The following ME3 variants were observed in gnomAD, a reference collection of about 807,000 sequenced individuals.
The protein encoded by ME3 is NADP-dependent malic enzyme, mitochondrial.
A neutral mutation model predicts 68.9 loss-of-function variants in ME3; 48 were observed. The ratio of observed to expected loss-of-function variants is 0.70; its 90% CI spans 0.55 to 0.89. ME3 has a LOEUF of 0.89. ME3 is among the 40% of genes least tolerant of loss of function. The pLI is 0.00. For missense variants in ME3, 675 were observed against 797.4 expected, an observed-to-expected ratio of 0.85 and a Z score of 1.85; for synonymous variants, 320 against 318.8, an observed-to-expected ratio of 1.00 and a Z score of -0.04.
At chr11:86,463,807 T>C (rs2138723383) in intron 8 of ME3, among the ~76,000 whole-genome samples, 1 of 152,360 alleles carries the variant, frequency 6.6e-6, no homozygotes. Flanking sequence ...GTTTGTAATA[T>C]AAGATCTGGG....
At chr11:86,597,780 T>A (rs895040591) in intron 2 of ME3, among the ~76,000 whole-genome samples, 1 of 151,804 alleles carries the variant, frequency 6.6e-6, no homozygotes, top group Non-Finnish European at 1.5e-5. Flanking sequence ...CCAAAGTGGT[T>A]GGGGTACAGC....
intron 6 of ME3, among the ~76,000 whole-genome samples, chr11:86,496,405 CAAAAG>C (rs61497313): frequency 0.92 from 136,958 of 149,556 alleles, 62,857 homozygotes; most frequent in Non-Finnish European, 0.94. Context: ...GAGTCTGTCT[CAAAAG>C]AAAAGAAAAG....
chr11:86,636,123 G>T (rs1182972509), intron 2 of ME3, among the ~76,000 whole-genome samples: 1 of 152,176 alleles, frequency 6.6e-6, no homozygotes, highest in African/African-American at 2.4e-5. Flanking sequence ...CTGAGGGGTT[G>T]TAGGAATTGG....
intron 6 of ME3, among the ~76,000 whole-genome samples, chr11:86,491,456 C>A (rs1196126993): frequency 1.3e-5 from 2 of 152,144 alleles, no homozygotes; most frequent in Non-Finnish European, 2.9e-5. Context: ...ACGGGGAGAG[C>A]TGGAATGAGT....
At chr11:86,583,376 G>A (rs974088899) in intron 2 of ME3, among the ~76,000 whole-genome samples, 1 of 152,136 alleles carries the variant, frequency 6.6e-6, no homozygotes, top group Non-Finnish European at 1.5e-5. Context: ...CCGAATACAA[G>A]ATGTAGTGAT....
chr11:86,490,571 G>A (rs1161643039), intron 6 of ME3, among the ~76,000 whole-genome samples: 1 of 152,192 alleles, frequency 6.6e-6, no homozygotes, highest in Non-Finnish European at 1.5e-5. Flanking sequence ...AGACTTTGCA[G>A]TCACCTGGAC....
chr11:86,471,673 A>G (rs1249959752), intron 7 of ME3, among the ~76,000 whole-genome samples: 1 of 152,162 alleles, frequency 6.6e-6, no homozygotes, highest in African/African-American at 2.4e-5. Flanking sequence ...CAATTCAACA[A>G]ACATTTTATG....
At chr11:86,511,778 T>C (rs1400939511) in intron 4 of ME3, among the ~76,000 whole-genome samples, 1 of 152,110 alleles carries the variant, frequency 6.6e-6, no homozygotes, top group African/African-American at 2.4e-5. Context: ...ATTTTTGACT[T>C]CCCTAGTTGC....
chr11:86,611,013 C>T (rs1942532923), intron 2 of ME3, among the ~76,000 whole-genome samples: 1 of 152,128 alleles, frequency 6.6e-6, no homozygotes, highest in Non-Finnish European at 1.5e-5. Flanking sequence ...TCCTAGACAG[C>T]GTTCTGAATT....
intron 2 of ME3, among the ~76,000 whole-genome samples, chr11:86,586,990 C>T (rs2139644657): frequency 6.6e-6 from 1 of 152,124 alleles, no homozygotes; most frequent in African/African-American, 2.4e-5. Context: ...CAAGGATGTG[C>T]AGATCTGAAA....
chr11:86,529,871 G>T (rs554540524), intron 4 of ME3, among the ~76,000 whole-genome samples: 19 of 152,088 alleles, frequency 1.2e-4, no homozygotes, highest in Non-Finnish European at 2.1e-4. Flanking sequence ...AATAAGGGTT[G>T]TCTATGACAA....
At position 86,487,335 on chromosome 11, in the gene ME3, A is replaced by G. The variant is rs1951753234; in HGVS notation, c.809+2T>C. 6.2e-7 allele frequency: 1 copy of G among 1,613,172 alleles called. No homozygotes were observed. Among genetic ancestry groups the G allele is most frequent in the Non-Finnish European group, 8.5e-7 (1 of 1,179,110 alleles). ...TCAAAAGGGACAGACTGGTCCACTTACTTGTCTGTCACAGCCTGCATGAAC... is the reference window on the plus strand; with the variant it reads ...TCAAAAGGGACAGACTGGTCCACTTGCTTGTCTGTCACAGCCTGCATGAAC... On this transcript the variant is annotated splice_donor_variant, in intron 7 of 14. Coordinates refer to ENST00000543262, the Ensembl canonical transcript of ME3. LOFTEE classifies it high-confidence loss of function.
intron 4 of ME3, among the ~76,000 whole-genome samples, chr11:86,545,037 G>A (rs929685693): frequency 4.6e-5 from 7 of 152,224 alleles, no homozygotes; most frequent in Non-Finnish European, 5.9e-5. Flanking sequence ...ATCAATAAAC[G>A]TAATCCATCA....
chr11:86,477,643 A>T (rs1183552364), intron 7 of ME3, among the ~76,000 whole-genome samples: 1 of 152,168 alleles, frequency 6.6e-6, no homozygotes, highest in Non-Finnish European at 1.5e-5. Context: ...GCTAAGAGAA[A>T]ATGAAAAGGA....
chr11:86,603,674 A>T (rs2135137969), intron 2 of ME3, among the ~76,000 whole-genome samples: 1 of 152,216 alleles, frequency 6.6e-6, no homozygotes, highest in East Asian at 1.9e-4. Context: ...TATTCACAAT[A>T]GCAAAGACTT....
intron 2 of ME3, among the ~76,000 whole-genome samples, chr11:86,616,818 A>G (rs1197433745): frequency 6.6e-6 from 1 of 152,168 alleles, no homozygotes; most frequent in Non-Finnish European, 1.5e-5. Flanking sequence ...CTTGGATTGG[A>G]TCCTAGAACA....
chr11:86,645,556 G>C (rs1351425236), intron 2 of ME3, among the ~76,000 whole-genome samples: 1 of 152,206 alleles, frequency 6.6e-6, no homozygotes, highest in Non-Finnish European at 1.5e-5. Flanking sequence ...CCAGTCAGGG[G>C]CTTATAGATA....
intron 2 of ME3, among the ~76,000 whole-genome samples, chr11:86,663,688 G>C (rs1298069982): frequency 2.0e-5 from 3 of 152,068 alleles, no homozygotes; most frequent in African/African-American, 7.2e-5. Context: ...CTGACATTTG[G>C]AAAGAAAAGA....
intron 4 of ME3, among the ~76,000 whole-genome samples, chr11:86,531,982 AAAACC>A (rs1271263809): frequency 9.6e-6 from 1 of 104,014 alleles, no homozygotes; most frequent in Non-Finnish European, 2.1e-5. Context: ...ATAATTAAAA[AAAACC>A]AAACCAAAAA....
Sources: gnomAD v4.1 joint callset for allele counts (sites outside exome capture counted in the v4.1 genomes callset) on GRCh38, gnomAD v4.1.1 for gene constraint, MANE v1.5 for transcripts, NCBI Gene and HGNC (gene_info 2026-07-23, HGNC 2026-07-21) for gene names.